The following EPHB1 variants were observed in gnomAD, a reference collection of about 807,000 sequenced individuals.
The protein encoded by EPHB1 is EPH receptor B1, also known as ephrin type-B receptor 1.
A neutral mutation model predicts 94.4 loss-of-function variants in EPHB1; 30 were observed. The observed-to-expected ratio is 0.32, with a 90% CI of 0.24 to 0.43. The LOEUF (loss-of-function observed/expected upper bound fraction) is 0.43, where lower values mean the gene tolerates loss of function less well. Among genes scored for constraint, EPHB1 ranks in the 20% least tolerant of loss-of-function variants. EPHB1 has a pLI of 1.00. For synonymous variants in EPHB1, 522 were observed against 489.1 expected, an observed-to-expected ratio of 1.07 and a Z score of -0.89; for missense variants, 1,055 against 1,308.3, an observed-to-expected ratio of 0.81 and a Z score of 2.99.
chr3:134,814,324 G>A (rs2036227660), intron 1 of EPHB1, among the ~76,000 whole-genome samples: 2 of 152,190 alleles, frequency 1.3e-5, no homozygotes, highest in Admixed American at 6.5e-5. Context: ...ACATGTAGAG[G>A]GGAGAGTGAT....
chr3:135,172,203 G>A (rs1255977209), intron 9 of EPHB1, among the ~76,000 whole-genome samples: 1 of 152,192 alleles, frequency 6.6e-6, no homozygotes. Flanking sequence ...AAATGCCAGT[G>A]TTCAGTGCTG....
chr3:134,979,946 CAAAAGTCAT>C (rs1383283588), intron 3 of EPHB1, among the ~76,000 whole-genome samples: 3 of 152,158 alleles, frequency 2.0e-5, no homozygotes, highest in Non-Finnish European at 4.4e-5. Context: ...GGCCCAAATG[CAAAAGTCAT>C]TTGGGTTATC....
At chr3:135,059,912 A>G (rs1937446945) in intron 3 of EPHB1, among the ~76,000 whole-genome samples, 1 of 152,206 alleles carries the variant, frequency 6.6e-6, no homozygotes, top group Admixed American at 6.5e-5. Context: ...ACTGATGCTC[A>G]GATACAGTGC....
intron 8 of EPHB1, 99 bp from the exon 9 acceptor site, chr3:135,166,843 C>T (rs773450074): frequency 1.3e-5 from 17 of 1,263,952 alleles, no homozygotes; most frequent in Admixed American, 1.3e-4. Context: ...GGAGATGCCC[C>T]GGGTGAGCCC....
chr3:134,795,615 C>A lies in EPHB1; in HGVS notation c.-17C>A, dbSNP rs778630433. The A allele has an allele frequency of 6.2e-7, 1 of 1,603,162 alleles. No homozygotes were observed. Among genetic ancestry groups the A allele is most frequent in the South Asian group, 1.1e-5 (1 of 90,346 alleles). Reference sequence around the variant, plus strand: ...GCTGCCTCGGCTTGGTCTCGGCCTGCGGGCCGTCGGCCGGCGATGGCCCTG... The same window carrying A: ...GCTGCCTCGGCTTGGTCTCGGCCTGAGGGCCGTCGGCCGGCGATGGCCCTG... On this transcript the variant is annotated 5_prime_UTR_variant, in exon 1 of 16. An upstream open reading frame in the 5' UTR gains an earlier in-frame stop. Coordinates refer to ENST00000398015, the MANE Select transcript of EPHB1 (RefSeq NM_004441.5).
Position 134,942,655 on chromosome 3 carries a change from T to C in EPHB1, c.124-8716T>C, listed in dbSNP as rs75466692. 2.3e-3 allele frequency among the ~76,000 whole-genome samples: 352 copies of C among 152,312 alleles called. 1 individual carries two copies. Among genetic ancestry groups the C allele is most frequent in the African/African-American group, 7.3e-3 (304 of 41,568 alleles). ...TCTGGGGTATTGGGGAGAGGTCAAG[T>C]TGGTGATGCACTCCATGGTGGTCGA... On this transcript the variant is annotated intron_variant, in intron 2 of 15. Transcript: ENST00000398015.
Position 134,955,103 on chromosome 3 carries a change from T to A in EPHB1, c.805+3051T>A, listed in dbSNP as rs201228791. ...TTTTTTTTTTTTTTTTTTTTTTTTTTAATTTTTTTTTTTTTAATTATACTC... is the reference window on the plus strand; with the variant it reads ...TTTTTTTTTTTTTTTTTTTTTTTTTAAATTTTTTTTTTTTTAATTATACTC... On this transcript the variant is annotated intron_variant, in intron 3 of 15. Coordinates refer to ENST00000398015, the MANE Select transcript of EPHB1 (RefSeq NM_004441.5). 9.0e-4 allele frequency among the ~76,000 whole-genome samples: 40 copies of A among 44,516 alleles called. 2 individuals are homozygous for A. The highest frequency in any genetic ancestry group is 1.3e-3 in the East Asian group (3 of 2,360). The allele number at this position is 44,516 out of a possible 152,430, so 29.2% of individuals were successfully genotyped here.
intron 3 of EPHB1, among the ~76,000 whole-genome samples, chr3:135,050,098 T>G (rs1168214773): frequency 2.0e-5 from 3 of 152,252 alleles, no homozygotes; most frequent in Non-Finnish European, 4.4e-5. Flanking sequence ...CAAATTGATA[T>G]AAATCATTGA....
chr3:135,237,541 G>C (rs1943685778), intron 12 of EPHB1, among the ~76,000 whole-genome samples: 1 of 151,920 alleles, frequency 6.6e-6, no homozygotes, highest in Non-Finnish European at 1.5e-5. Flanking sequence ...AGTGACCCCT[G>C]CGGCAGCTCT....
rs574374091 is a variant in EPHB1, at chr3:135,171,597, T to C, written c.1759+4591T>C. Among the ~76,000 whole-genome samples, 6 of 152,350 alleles carry C rather than the reference T, an allele frequency of 3.9e-5. No individual in the cohort carries two copies. In the South Asian group the frequency reaches 1.2e-3, roughly 32 times the overall value. ...AAATGTTAGCAGGATAAATCTGGAA[T>C]CTCATGTTTAGGTTAAAACAAAAAT... On this transcript the variant is annotated intron_variant, in intron 9 of 15. Coordinates refer to ENST00000398015, the MANE Select transcript of EPHB1 (RefSeq NM_004441.5).
At chr3:135,151,969 T>G (rs968704782) in intron 5 of EPHB1, among the ~76,000 whole-genome samples, 4 of 152,220 alleles carry the variant, frequency 2.6e-5, no homozygotes, top group Non-Finnish European at 4.4e-5. Context: ...ATCGGTCATA[T>G]TAATAGATAT....
At chr3:134,903,765 G>A (rs1466705434) in intron 1 of EPHB1, among the ~76,000 whole-genome samples, 2 of 152,178 alleles carry the variant, frequency 1.3e-5, no homozygotes, top group African/African-American at 4.8e-5. Flanking sequence ...GACAGAGTTG[G>A]AAGGAAAGAT....
At chr3:135,087,416 T>C (rs1348397677) in intron 3 of EPHB1, among the ~76,000 whole-genome samples, 1 of 152,138 alleles carries the variant, frequency 6.6e-6, no homozygotes, top group East Asian at 1.9e-4. Flanking sequence ...CATGTGGAAA[T>C]GGTAAAGGGG....
chr3:135,168,105 A>G (rs1941700948), intron 9 of EPHB1, among the ~76,000 whole-genome samples: 1 of 152,192 alleles, frequency 6.6e-6, no homozygotes, highest in South Asian at 2.1e-4. Flanking sequence ...AATGCAGCCA[A>G]TGCCGACTCG....
intron 3 of EPHB1, among the ~76,000 whole-genome samples, chr3:135,003,379 G>C (rs1265133735): frequency 1.3e-5 from 2 of 151,466 alleles, no homozygotes; most frequent in African/African-American, 2.4e-5. Context: ...TTACTTCCAA[G>C]TATGTGGTCA....
intron 3 of EPHB1, among the ~76,000 whole-genome samples, chr3:135,069,931 C>T (rs755698043): frequency 5.9e-5 from 9 of 152,128 alleles, no homozygotes; most frequent in Non-Finnish European, 1.2e-4. Context: ...AAATAACTGA[C>T]ACTCACTAAA....
At chr3:134,874,566 C>T (rs2037577742) in intron 1 of EPHB1, among the ~76,000 whole-genome samples, 1 of 152,176 alleles carries the variant, frequency 6.6e-6, no homozygotes. Context: ...AAAAACATTA[C>T]CCACTGCACT....
chr3:135,016,625 G>A (rs1935803529), intron 3 of EPHB1, among the ~76,000 whole-genome samples: 1 of 152,246 alleles, frequency 6.6e-6, no homozygotes, highest in Non-Finnish European at 1.5e-5. Context: ...TGGCCACCCA[G>A]TGCATCAGTC....
intron 3 of EPHB1, among the ~76,000 whole-genome samples, chr3:134,956,284 TG>T (rs1440037572): frequency 6.6e-6 from 1 of 152,070 alleles, no homozygotes; most frequent in Non-Finnish European, 1.5e-5. Context: ...ACTATGCATA[TG>T]TGGATCTGTT....
Sources: allele counts gnomAD v4.1 joint callset (sites outside exome capture counted in the v4.1 genomes callset), GRCh38; gene constraint gnomAD v4.1.1; transcripts MANE v1.5; gene names NCBI Gene and HGNC (gene_info 2026-07-23, HGNC 2026-07-21).